GALNT13: variants seen among roughly 807,000 people sequenced by gnomAD.
GALNT13 encodes the protein polypeptide N-acetylgalactosaminyltransferase 13.
Under a neutral mutation model 64.2 loss-of-function variants are expected in GALNT13, and 28 were observed. The observed-to-expected ratio is 0.44, with a 90% CI of 0.32 to 0.60. The LOEUF (loss-of-function observed/expected upper bound fraction) is 0.60. Among genes scored for constraint, GALNT13 ranks in the 20% least tolerant of loss-of-function variants. The pLI is 0.05. For missense variants in GALNT13, 577 were observed against 669.8 expected, an observed-to-expected ratio of 0.86 and a Z score of 1.53; for synonymous variants, 214 against 224.6, an observed-to-expected ratio of 0.95 and a Z score of 0.42.
At chr2:153,523,043 A>ATTTTTTTTTT in the GALNT13 span, among the ~76,000 whole-genome samples, 59 of 83,368 alleles carry the variant, frequency 7.1e-4, 1 homozygote, top group African/African-American at 1.1e-3. Flanking sequence ...TGTGTTTACT[A>ATTTTTTTTTT]TTTTTTTTTT....
intron 11 of GALNT13, among the ~76,000 whole-genome samples, chr2:154,421,187 A>C (rs1230149846): frequency 6.6e-6 from 1 of 152,126 alleles, no homozygotes; most frequent in African/African-American, 2.4e-5. Flanking sequence ...AAAAATATGC[A>C]AGTGAAATGA....
the GALNT13 span, among the ~76,000 whole-genome samples, chr2:153,274,417 C>T: frequency 1.3e-5 from 2 of 152,094 alleles, no homozygotes; most frequent in African/African-American, 2.4e-5. Flanking sequence ...CTCCATTTTG[C>T]TTCGAACAGG....
chr2:154,192,615 A>AT (rs1175297029), intron 4 of GALNT13, among the ~76,000 whole-genome samples: 12 of 151,996 alleles, frequency 7.9e-5, no homozygotes, highest in Non-Finnish European at 4.4e-5. Context: ...ATCTTTATAA[A>AT]TTTTTTTTAT....
chr2:154,428,269 C>A (rs1700554571), intron 11 of GALNT13, among the ~76,000 whole-genome samples: 1 of 152,298 alleles, frequency 6.6e-6, no homozygotes, highest in Middle Eastern at 3.4e-3. Context: ...CACTAAGCAG[C>A]TCGGACATAT....
chr2:153,495,161 T>C, the GALNT13 span, among the ~76,000 whole-genome samples: 5 of 152,162 alleles, frequency 3.3e-5, no homozygotes, highest in African/African-American at 1.2e-4. Flanking sequence ...TTAGTGAAGA[T>C]GTAGAACAAC....
At chr2:153,826,636 C>A in the GALNT13 span, among the ~76,000 whole-genome samples, 3 of 151,960 alleles carry the variant, frequency 2.0e-5, no homozygotes, top group Admixed American at 2.0e-4. Context: ...AGTTTTAAAC[C>A]AGGAAATGAC....
At chr2:154,178,105 A>G (rs1685755147) in intron 4 of GALNT13, among the ~76,000 whole-genome samples, 1 of 152,042 alleles carries the variant, frequency 6.6e-6, no homozygotes, top group South Asian at 2.1e-4. Flanking sequence ...CTTACCTGTG[A>G]TTATTGCTGC....
intron 8 of GALNT13, chr2:154,287,260 C>T (rs570649874): frequency 3.6e-6 from 3 of 844,186 alleles, no homozygotes; most frequent in South Asian, 2.7e-5. Context: ...CCGACGGCAA[C>T]TCCAAGACAG....
intron 7 of GALNT13, among the ~76,000 whole-genome samples, chr2:154,254,173 G>A (rs1271389884): frequency 6.6e-6 from 1 of 152,104 alleles, no homozygotes; most frequent in African/African-American, 2.4e-5. Context: ...CAATGGATGT[G>A]AACAAATATA....
intron 3 of GALNT13, among the ~76,000 whole-genome samples, chr2:153,995,740 C>A (rs1193207266): frequency 6.6e-6 from 1 of 151,954 alleles, no homozygotes; most frequent in East Asian, 1.9e-4. Flanking sequence ...GCTAAAGTTA[C>A]CCTATTATGT....
At chr2:153,274,358 T>C in the GALNT13 span, among the ~76,000 whole-genome samples, 1 of 152,226 alleles carries the variant, frequency 6.6e-6, no homozygotes, top group East Asian at 1.9e-4. Flanking sequence ...GTACCACCCT[T>C]CCTTTGTCCT....
intron 3 of GALNT13, among the ~76,000 whole-genome samples, chr2:154,085,856 T>A (rs954488237): frequency 6.6e-6 from 1 of 151,942 alleles, no homozygotes; most frequent in Admixed American, 6.6e-5. Context: ...TTAAGGCCAG[T>A]TTTTCAGGAC....
intron 2 of GALNT13, among the ~76,000 whole-genome samples, chr2:153,936,931 A>C (rs560116861): frequency 6.6e-6 from 1 of 151,974 alleles, no homozygotes; most frequent in South Asian, 2.1e-4. Flanking sequence ...GTTAGCCAGG[A>C]TGGTCTCAAT....
chr2:153,740,917 C>T, the GALNT13 span, among the ~76,000 whole-genome samples: 1 of 152,126 alleles, frequency 6.6e-6, no homozygotes, highest in African/African-American at 2.4e-5. Flanking sequence ...TCCGGCTCTC[C>T]TCTTAGATAA....
At chr2:154,370,668 T>C (rs764812044) in intron 9 of GALNT13, among the ~76,000 whole-genome samples, 3 of 152,062 alleles carry the variant, frequency 2.0e-5, no homozygotes, top group Non-Finnish European at 2.9e-5. Context: ...CAGAGTTTTG[T>C]TTTTAGATTT....
At position 154,261,970 on chromosome 2, in the gene GALNT13, C is replaced by T. The variant is rs1690722009; in HGVS notation, c.975+2832C>T. ...TCACCTCAAGGTATTTTAAGCCAAA[C>T]CAAAGGAATACATTGCAAAGACTTA... On this transcript the variant is annotated intron_variant, in intron 8 of 12. Transcript: ENST00000392825. Among the ~76,000 whole-genome samples, 5 of 152,108 alleles carry T rather than the reference C, an allele frequency of 3.3e-5. No individual in the cohort carries two copies. In the South Asian group the frequency reaches 1.0e-3, roughly 32 times the overall value.
chr2:153,534,309 G>A, the GALNT13 span, among the ~76,000 whole-genome samples: 3 of 152,088 alleles, frequency 2.0e-5, no homozygotes, highest in Non-Finnish European at 4.4e-5. Context: ...TGGTAGGTGT[G>A]AGGGGAAGAA....
At chr2:154,016,121 G>A (rs567090125) in intron 3 of GALNT13, among the ~76,000 whole-genome samples, 3 of 152,252 alleles carry the variant, frequency 2.0e-5, no homozygotes, top group Non-Finnish European at 2.9e-5. Context: ...TTAGAAACAT[G>A]ACCCCTTGAT....
the GALNT13 span, among the ~76,000 whole-genome samples, chr2:153,348,307 G>A: frequency 1.3e-5 from 2 of 152,138 alleles, no homozygotes; most frequent in Non-Finnish European, 1.5e-5. Context: ...TTGTCTCTAT[G>A]CCATTGTGCA....
Sources: allele counts gnomAD v4.1 joint callset (sites outside exome capture counted in the v4.1 genomes callset), GRCh38; gene constraint gnomAD v4.1.1; transcripts MANE v1.5; gene names NCBI Gene and HGNC (gene_info 2026-07-23, HGNC 2026-07-21).